The following AARS1 variants were observed in gnomAD, a reference collection of about 807,000 sequenced individuals.
AARS1 encodes alanine--tRNA ligase, cytoplasmic.
AARS1 carries 72 observed loss-of-function variants against 108.9 expected under a neutral mutation model. The ratio of observed to expected loss-of-function variants is 0.66; its 90% CI spans 0.55 to 0.80. The LOEUF (loss-of-function observed/expected upper bound fraction) is 0.80. AARS1 is among the 30% of genes least tolerant of loss of function. The probability of loss-of-function intolerance (pLI) is 0.00; values close to 1 mark genes in which losing one functional copy is unlikely to be tolerated. For synonymous variants in AARS1, 489 were observed against 465.7 expected (o/e 1.05, Z -0.64); for missense variants, 1,193 against 1,233.2 (o/e 0.97, Z 0.49).
intron 15 of AARS1, 62 bp from the exon 16 acceptor site, chr16:70,255,898 C>A: frequency 6.8e-7 from 1 of 1,470,372 alleles, no homozygotes; most frequent in South Asian, 1.2e-5. Flanking sequence ...GCTGGGGGGT[C>A]ACACTAGCGG....
chr16:70,266,625 G>A (rs1361191824), intron 9 of AARS1, among the ~76,000 whole-genome samples: 3 of 150,962 alleles, frequency 2.0e-5, no homozygotes, highest in Non-Finnish European at 4.4e-5. Flanking sequence ...GGATTCAAGC[G>A]ATTCTCCTGC....
intron 1 of AARS1, among the ~76,000 whole-genome samples, chr16:70,284,351 C>T (rs1035229975): frequency 8.7e-5 from 13 of 150,210 alleles, no homozygotes; most frequent in South Asian, 4.2e-4. Flanking sequence ...GCCTGTAATC[C>T]CAGCACTTTG....
intron 1 of AARS1, among the ~76,000 whole-genome samples, chr16:70,286,603 C>T (rs1027082027): frequency 6.6e-6 from 1 of 151,884 alleles, no homozygotes; most frequent in African/African-American, 2.4e-5. Context: ...TTTGGGAGGT[C>T]GAGGCGGGTG....
chr16:70,264,332 C>G (rs933905869), intron 11 of AARS1, among the ~76,000 whole-genome samples: 1 of 151,600 alleles, frequency 6.6e-6, no homozygotes, highest in Non-Finnish European at 1.5e-5. Flanking sequence ...TTCTTTTTCC[C>G]CGAGACGGAA....
chr16:70,259,168 T>A lies in AARS1; in HGVS notation c.1804A>T (p.Met602Leu). 1 of 1,614,128 alleles carries A rather than the reference T, an allele frequency of 6.2e-7. No homozygotes were observed. Among genetic ancestry groups the A allele is most frequent in the South Asian group, 1.1e-5 (1 of 91,076 alleles). Reference sequence around the variant, plus strand: ...ATGTGCGTAGCTGTGTGGTTGCTCATGATGGGTCTTCGTCGGGGCTGGAAA... The same window carrying A: ...ATGTGCGTAGCTGTGTGGTTGCTCAAGATGGGTCTTCGTCGGGGCTGGAAA... Reference protein sequence around the residue: ...FIDEPRRRPIMSNHTATHILN... With the variant: ...FIDEPRRRPILSNHTATHILN... Residue 602 changes from methionine to leucine, a missense_variant, in exon 14 of 21, where the codon ATG (methionine) becomes TTG (leucine). Transcript: ENST00000261772.
intron 1 of AARS1, among the ~76,000 whole-genome samples, chr16:70,289,043 T>C (rs2152174621): frequency 6.6e-6 from 1 of 151,680 alleles, no homozygotes; most frequent in Non-Finnish European, 1.5e-5. Context: ...TCGGTGCGCC[T>C]GGACCGGCAT....
chr16:70,276,364 G>A, intron 4 of AARS1, 122 bp downstream of exon 4: 3 of 1,123,346 alleles, frequency 2.7e-6, no homozygotes, highest in East Asian at 4.8e-5. Context: ...TCCTCCCCAT[G>A]TGCATCTCAA....
At chr16:70,282,805 G>T (rs775447199) in intron 1 of AARS1, 21 bp from the exon 2 acceptor site, 2 of 1,606,856 alleles carry the variant, frequency 1.2e-6, no homozygotes, top group East Asian at 2.2e-5. Context: ...AAAAAAAAAT[G>T]AAGGAAAATT....
chr16:70,255,890 T>TG (rs1254423100), intron 15 of AARS1, 54 bp from the exon 16 acceptor site: 26 of 1,530,456 alleles, frequency 1.7e-5, no homozygotes, highest in African/African-American at 8.2e-5. Flanking sequence ...AGCCCTTGGC[T>TG]GGGGGGTCAC....
chr16:70,259,778 GT>G (rs555625002), intron 13 of AARS1, among the ~76,000 whole-genome samples: 150 of 146,352 alleles, frequency 1.0e-3, no homozygotes, highest in East Asian at 2.4e-3. Context: ...TTTATAAACA[GT>G]TTTTTTTTTT....
chr16:70,255,237 T>G (rs1959957066), intron 16 of AARS1, among the ~76,000 whole-genome samples: 1 of 136,292 alleles, frequency 7.3e-6, no homozygotes, highest in African/African-American at 2.8e-5. Context: ...TCTCGCCCCG[T>G]CACCCAAGCT....
At chr16:70,270,408 G>A in intron 5 of AARS1, 68 bp from the exon 6 acceptor site, 1 of 1,591,688 alleles carries the variant, frequency 6.3e-7, no homozygotes, top group South Asian at 1.1e-5. Flanking sequence ...GTCCCTGCTG[G>A]TTAAAATTCA....
chr16:70,269,540 A>G, intron 7 of AARS1, 78 bp downstream of exon 7: 1 of 1,594,092 alleles, frequency 6.3e-7, no homozygotes, highest in Non-Finnish European at 8.5e-7. Context: ...TCTCACACAC[A>G]AAGAAAAGTT....
rs367579673 is a variant in AARS1 at position 70,259,154 on chromosome 16, T to C, written c.1818A>G (p.Thr606=). The change falls in exon 14 of 21, where the codon ACA becomes ACG. Residue 606 remains threonine (T), a synonymous_variant. Coordinates refer to ENST00000261772, the MANE Select transcript of AARS1 (RefSeq NM_001605.3). ...PRRRPIMSNH[T]ATHILNFALR... ...GGGCGAAGTTCAGAATGTGCGTAGC[T>C]GTGTGGTTGCTCATGATGGGTCTTC... 4 of 1,614,034 alleles carry C rather than the reference T, an allele frequency of 2.5e-6. No individual in the cohort carries two copies. Among genetic ancestry groups the C allele is most frequent in the Non-Finnish European group, 3.4e-6 (4 of 1,180,036 alleles).
chr16:70,258,904 A>C (rs889720866), intron 14 of AARS1, 76 bp downstream of exon 14: 13 of 1,468,262 alleles, frequency 8.9e-6, no homozygotes, highest in Non-Finnish European at 1.2e-5. Context: ...ACAGAGTGAG[A>C]GCACCGCACT....
chr16:70,283,267 C>T (rs1438265192), intron 1 of AARS1, among the ~76,000 whole-genome samples: 2 of 151,950 alleles, frequency 1.3e-5, no homozygotes, highest in African/African-American at 4.8e-5. Flanking sequence ...CATGGTGGTG[C>T]GTGCCTGTAA....
At chr16:70,278,118 C>G (rs1196070598) in intron 2 of AARS1, among the ~76,000 whole-genome samples, 2 of 152,052 alleles carry the variant, frequency 1.3e-5, no homozygotes, top group Admixed American at 6.6e-5. Context: ...GTGGCTCACA[C>G]CTGTAATCCC....
chr16:70,288,962 A>G (rs991350629), intron 1 of AARS1, among the ~76,000 whole-genome samples: 1 of 152,094 alleles, frequency 6.6e-6, no homozygotes, highest in African/African-American at 2.4e-5. Context: ...CCAAGTTCGG[A>G]ATTAACTCAC....
chr16:70,262,492 G>T lies in AARS1; in HGVS notation c.1525C>A (p.Leu509Met). The T allele has an allele frequency of 6.2e-7, 1 of 1,614,018 alleles. No homozygotes were observed. Among genetic ancestry groups the T allele is most frequent in the Non-Finnish European group, 8.5e-7 (1 of 1,179,924 alleles). Reference sequence around the variant, plus strand: ...TCCACGAACATCTTCTCCCTGCGCAGAGCCATCACCGTAGCCACTGTGTTC... The same window carrying T: ...TCCACGAACATCTTCTCCCTGCGCATAGCCATCACCGTAGCCACTGTGTTC... ...FENTVATVMA[L>M]RREKMFVEEV... Residue 509 changes from leucine (L) to methionine (M), a missense_variant, in exon 12 of 21, where the codon CTG (leucine) becomes ATG (methionine). Leu to Met is a conservative substitution (Grantham distance 15). Transcript: ENST00000261772.
Sources: allele counts gnomAD v4.1 joint callset (sites outside exome capture counted in the v4.1 genomes callset), GRCh38; gene constraint gnomAD v4.1.1; transcripts MANE v1.5; gene names NCBI Gene and HGNC (gene_info 2026-07-23, HGNC 2026-07-21).